Variants in CADM1 observed in about 807,000 individuals in gnomAD.
The protein encoded by CADM1 is cell adhesion molecule 1.
Under a neutral mutation model 53.1 loss-of-function variants are expected in CADM1, and 15 were observed. The ratio of observed to expected loss-of-function variants is 0.28; its 90% confidence interval spans 0.19 to 0.44. The LOEUF is 0.44. Among genes scored for constraint, CADM1 ranks in the 20% least tolerant of loss-of-function variants. The probability of loss-of-function intolerance (pLI) is 1.00; values close to 1 mark genes in which losing one functional copy is unlikely to be tolerated. For missense variants in CADM1, 434 were observed against 611.3 expected, an observed-to-expected ratio of 0.71 and a Z score of 3.06; for synonymous variants, 281 against 243.0, an observed-to-expected ratio of 1.16 and a Z score of -1.45.
chr11:115,337,279 T>G (rs7952231), intron 1 of CADM1, among the ~76,000 whole-genome samples: 67,005 of 152,008 alleles, frequency 0.44, 16,925 homozygotes, highest in Non-Finnish European at 0.59. Context: ...TTAATACATG[T>G]GCTAATTTGA....
chr11:115,257,163 GT>G (rs201899130), intron 1 of CADM1, among the ~76,000 whole-genome samples: 2,129 of 151,416 alleles, frequency 0.014, 24 homozygotes, highest in South Asian at 0.032. Flanking sequence ...TTTTAAAAAA[GT>G]TTTTTTTTAA....
chr11:115,237,117 C>A (rs544557757), intron 3 of CADM1, among the ~76,000 whole-genome samples: 2 of 152,182 alleles, frequency 1.3e-5, no homozygotes, highest in African/African-American at 4.8e-5. Flanking sequence ...CTCCAATAAG[C>A]AAAGAGCATT....
intron 1 of CADM1, among the ~76,000 whole-genome samples, chr11:115,393,126 AAATT>A (rs1033593068): frequency 6.6e-6 from 1 of 151,558 alleles, no homozygotes; most frequent in Non-Finnish European, 1.5e-5. Context: ...TACATCCACA[AAATT>A]AATTATTATA....
rs542482803 is a variant in CADM1, at chr11:115,299,480, G to T, written c.125-59060C>A. 7.9e-5 allele frequency among the ~76,000 whole-genome samples: 12 copies of T among 152,094 alleles called. No homozygotes were observed. In the South Asian group the frequency reaches 2.5e-3, roughly 32 times the overall value. ...AACATCAGTAACTCAATAAATTCTAGAAATAACAGCTGAAAATGCATGAGA... is the reference window on the plus strand; with the variant it reads ...AACATCAGTAACTCAATAAATTCTATAAATAACAGCTGAAAATGCATGAGA... On this transcript the variant is annotated intron_variant, in intron 1 of 11. Coordinates refer to ENST00000331581, the MANE Select transcript of CADM1 (RefSeq NM_001301043.2).
chr11:115,298,420 A>T (rs1001591958), intron 1 of CADM1, among the ~76,000 whole-genome samples: 5 of 152,202 alleles, frequency 3.3e-5, no homozygotes, highest in Non-Finnish European at 5.9e-5. Flanking sequence ...GATGAGACCC[A>T]GTCACTAGAT....
intron 1 of CADM1, among the ~76,000 whole-genome samples, chr11:115,290,044 C>G (rs1943846919): frequency 6.6e-6 from 1 of 152,148 alleles, no homozygotes; most frequent in Admixed American, 6.5e-5. Context: ...AATGTAGATT[C>G]CACGAGCGCC....
At chr11:115,494,993 A>T (rs144918694) in intron 1 of CADM1, among the ~76,000 whole-genome samples, 1,925 of 152,322 alleles carry the variant, frequency 0.013, 26 homozygotes, top group Non-Finnish European at 0.02. Flanking sequence ...TACTAACAAA[A>T]CTAAAGAAGA....
chr11:115,379,845 C>A (rs774910633), intron 1 of CADM1, among the ~76,000 whole-genome samples: 3 of 152,132 alleles, frequency 2.0e-5, no homozygotes, highest in Non-Finnish European at 2.9e-5. Flanking sequence ...TATCAGTCAT[C>A]TTGGTATGTT....
chr11:115,461,040 T>C (rs946317545), intron 1 of CADM1, among the ~76,000 whole-genome samples: 2 of 152,016 alleles, frequency 1.3e-5, no homozygotes, highest in Admixed American at 1.3e-4. Context: ...AAAATTTCAG[T>C]GTAGGCATTC....
At chr11:115,472,466 T>TGA (rs372055333) in intron 1 of CADM1, among the ~76,000 whole-genome samples, 4 of 152,172 alleles carry the variant, frequency 2.6e-5, no homozygotes, top group South Asian at 2.1e-4. Flanking sequence ...GGTGTGTGTG[T>TGA]GAGAGAGAGT....
At chr11:115,317,179 C>CAA in intron 1 of CADM1, among the ~76,000 whole-genome samples, 1 of 152,284 alleles carries the variant, frequency 6.6e-6, no homozygotes, top group Non-Finnish European at 1.5e-5. Flanking sequence ...ATATTTTACA[C>CAA]AAGCAAGTAA....
intron 10 of CADM1, among the ~76,000 whole-genome samples, chr11:115,187,937 A>G (rs1227245582): frequency 6.6e-6 from 1 of 152,148 alleles, no homozygotes. Context: ...TCTTGTCTGT[A>G]GGACAAGAGC....
intron 1 of CADM1, among the ~76,000 whole-genome samples, chr11:115,498,283 G>A (rs1369184293): frequency 6.6e-6 from 1 of 152,124 alleles, no homozygotes; most frequent in Non-Finnish European, 1.5e-5. Flanking sequence ...GCTGAAATTA[G>A]CACTTAGCCA....
At position 115,175,647 on chromosome 11, in the gene CADM1, C is replaced by A. The variant is rs1467609027; in HGVS notation, c.*827G>T. The A allele has an allele frequency of 1.0e-6, 1 of 985,668 alleles. No homozygotes were observed. Among genetic ancestry groups the A allele is most frequent in the African/African-American group, 1.7e-5 (1 of 57,224 alleles). The allele number at this position is 985,668 out of a possible 1,614,324, so 61.1% of individuals were successfully genotyped here. Reference sequence around the variant, plus strand: ...AAGGAGGAGTCCTTTCTGCCCCAAACCTTTCTGGACAGCGTAGGGTATCTA... The same window carrying A: ...AAGGAGGAGTCCTTTCTGCCCCAAAACTTTCTGGACAGCGTAGGGTATCTA... On this transcript the variant is annotated 3_prime_UTR_variant, in exon 12 of 12. Transcript: ENST00000331581.
At chr11:115,434,602 A>C (rs1408474286) in intron 1 of CADM1, among the ~76,000 whole-genome samples, 1 of 152,248 alleles carries the variant, frequency 6.6e-6, no homozygotes, top group East Asian at 1.9e-4. Flanking sequence ...TCTTGTGAGG[A>C]CTAAGGGAGA....
chr11:115,272,033 G>C (rs1391970269), intron 1 of CADM1, among the ~76,000 whole-genome samples: 1 of 151,766 alleles, frequency 6.6e-6, no homozygotes, highest in African/African-American at 2.4e-5. Flanking sequence ...TCTCTGGAAG[G>C]TCTTAAATGT....
chr11:115,273,626 T>C (rs1031510468), intron 1 of CADM1, among the ~76,000 whole-genome samples: 10 of 152,136 alleles, frequency 6.6e-5, no homozygotes, highest in Admixed American at 6.5e-4. Context: ...ATTAAGTCTT[T>C]ATCATCGTGT....
chr11:115,315,013 A>G (rs983438976), intron 1 of CADM1, among the ~76,000 whole-genome samples: 3 of 152,320 alleles, frequency 2.0e-5, no homozygotes, highest in Non-Finnish European at 2.9e-5. Flanking sequence ...TTTGGAGTTG[A>G]CACGTTAAAC....
chr11:115,220,634 G>C (rs1264886827), intron 5 of CADM1, among the ~76,000 whole-genome samples: 2 of 152,096 alleles, frequency 1.3e-5, no homozygotes, highest in Non-Finnish European at 2.9e-5. Flanking sequence ...GTATTTATAG[G>C]CATATTATCT....
Sources: allele counts gnomAD v4.1 joint callset (sites outside exome capture counted in the v4.1 genomes callset), GRCh38; gene constraint gnomAD v4.1.1; transcripts MANE v1.5; gene names NCBI Gene and HGNC (gene_info 2026-07-23, HGNC 2026-07-21).